PRIM2: variants seen among roughly 807,000 people sequenced by gnomAD.
PRIM2 encodes the protein DNA primase subunit 2.
Under a neutral mutation model 67.3 loss-of-function variants are expected in PRIM2, and 39 were observed. The observed-to-expected ratio is 0.58, with a 90% CI of 0.45 to 0.76. PRIM2 has a LOEUF of 0.76. Ranked by LOEUF, PRIM2 falls within the 30% of genes least tolerant of loss-of-function variation. The pLI, the probability that PRIM2 is intolerant of heterozygous loss-of-function variation, is 0.00. For synonymous variants in PRIM2, 143 were observed against 198.7 expected, an observed-to-expected ratio of 0.72 and a Z score of 2.36; for missense variants, 398 against 598.7, an observed-to-expected ratio of 0.66 and a Z score of 3.50.
At chr6:57,296,473 A>G in the PRIM2 span, among the ~76,000 whole-genome samples, 1 of 152,298 alleles carries the variant, frequency 6.6e-6, no homozygotes, top group Admixed American at 6.5e-5. Flanking sequence ...GGAGAAGGGT[A>G]GAATGAATCT....
At chr6:57,244,188 C>G in the PRIM2 span, among the ~76,000 whole-genome samples, 1 of 152,122 alleles carries the variant, frequency 6.6e-6, no homozygotes, top group Admixed American at 6.5e-5. Flanking sequence ...CTTAGCTGCA[C>G]CAACCAATCA....
intron 7 of PRIM2, among the ~76,000 whole-genome samples, chr6:57,406,481 G>A (rs1365334825): frequency 6.6e-6 from 1 of 152,090 alleles, no homozygotes; most frequent in Non-Finnish European, 1.5e-5. Flanking sequence ...ATCTTTATCC[G>A]AGTGACAGAG....
chr6:57,423,014 G>A (rs1286417182), intron 7 of PRIM2, among the ~76,000 whole-genome samples: 2 of 152,170 alleles, frequency 1.3e-5, no homozygotes, highest in African/African-American at 4.8e-5. Context: ...TTAGTGCAGA[G>A]TAATTCCTTG....
At chr6:57,416,072 T>G (rs1771250529) in intron 7 of PRIM2, among the ~76,000 whole-genome samples, 2 of 152,192 alleles carry the variant, frequency 1.3e-5, no homozygotes, top group Non-Finnish European at 2.9e-5. Context: ...TTTCAGAAGG[T>G]TTTCCACTTA....
intron 5 of PRIM2, among the ~76,000 whole-genome samples, chr6:57,354,596 A>T (rs1768966657): frequency 6.6e-6 from 1 of 152,168 alleles, no homozygotes; most frequent in African/African-American, 2.4e-5. Context: ...AATCATATCC[A>T]TTTGATTAGA....
chr6:57,403,206 G>A (rs4538694), intron 7 of PRIM2, among the ~76,000 whole-genome samples: 6,466 of 115,448 alleles, frequency 0.056, no homozygotes, highest in African/African-American at 0.093. Flanking sequence ...CCAAAGTGCT[G>A]TGTATATTAG....
chr6:57,590,518 G>A (rs2127488253), intron 10 of PRIM2, among the ~76,000 whole-genome samples: 1 of 152,238 alleles, frequency 6.6e-6, no homozygotes, highest in African/African-American at 2.4e-5. Flanking sequence ...TTACTAAGAG[G>A]AAATAAACGT....
chr6:57,294,386 C>T, the PRIM2 span, among the ~76,000 whole-genome samples: 1 of 152,048 alleles, frequency 6.6e-6, no homozygotes, highest in Non-Finnish European at 1.5e-5. Context: ...AAGGTTAAGG[C>T]AGGAGAATCG....
At chr6:57,259,668 C>A in the PRIM2 span, among the ~76,000 whole-genome samples, 28 of 152,304 alleles carry the variant, frequency 1.8e-4, no homozygotes, top group South Asian at 2.1e-4. Context: ...TGCTGAGGTG[C>A]ACTTCCTGGT....
intron 5 of PRIM2, among the ~76,000 whole-genome samples, chr6:57,366,252 T>C (rs1468799733): frequency 1.3e-5 from 2 of 152,048 alleles, no homozygotes; most frequent in African/African-American, 2.4e-5. Flanking sequence ...TGTAAAGTCA[T>C]AGAAGTGAAA....
At chr6:57,592,784 C>G (rs1428791617) in intron 10 of PRIM2, among the ~76,000 whole-genome samples, 4 of 148,840 alleles carry the variant, frequency 2.7e-5, no homozygotes, top group African/African-American at 9.9e-5. Context: ...GAGTAAGACT[C>G]TGTCTCAAAA....
At chr6:57,299,475 G>T in the PRIM2 span, among the ~76,000 whole-genome samples, 68 of 152,220 alleles carry the variant, frequency 4.5e-4, no homozygotes, top group Non-Finnish European at 7.8e-4. Context: ...TGGTTCTAGG[G>T]TCAGCATTTA....
At chr6:57,314,252 C>T (rs549590559), upstream of PRIM2, among the ~76,000 whole-genome samples, 3 of 152,302 alleles carry the variant, frequency 2.0e-5, no homozygotes, top group South Asian at 2.1e-4. Flanking sequence ...CAGTGGCTCA[C>T]GCCTATAATC....
intron 7 of PRIM2, among the ~76,000 whole-genome samples, chr6:57,388,518 A>G (rs1176171887): frequency 6.6e-6 from 1 of 152,178 alleles, no homozygotes; most frequent in Non-Finnish European, 1.5e-5. Context: ...GTGCTATTCT[A>G]AATGCTTTAT....
chr6:57,515,666 C>T (rs1332274958), intron 8 of PRIM2, among the ~76,000 whole-genome samples: 146 of 152,310 alleles, frequency 9.6e-4, no homozygotes, highest in Middle Eastern at 3.4e-3. Flanking sequence ...TGCGTAAGTA[C>T]ATTGTATATA....
intron 5 of PRIM2, among the ~76,000 whole-genome samples, chr6:57,334,873 A>G (rs528974355): frequency 1.3e-5 from 2 of 152,348 alleles, no homozygotes; most frequent in East Asian, 3.9e-4. Context: ...GTTTTGGAAT[A>G]GGAACAGCTC....
At position 57,487,288 on chromosome 6, in the gene PRIM2, G is replaced by T. The variant is rs1371340242; in HGVS notation, c.694-20099G>T. ...CGTGTTGCCCAGGCTGGAGTGCAGT[G>T]GTGTGATCTTGGCTCACTGCAACCC... On this transcript the variant is annotated intron_variant, in intron 7 of 13. Transcript: ENST00000615550. 3.3e-5 allele frequency among the ~76,000 whole-genome samples: 5 copies of T among 152,258 alleles called. 1 individual carries two copies. In the East Asian group the frequency reaches 9.7e-4, roughly 29 times the overall value.
chr6:57,623,472 ACT>A (rs1455915254), intron 12 of PRIM2, among the ~76,000 whole-genome samples: 1 of 152,114 alleles, frequency 6.6e-6, no homozygotes, highest in South Asian at 2.1e-4. Flanking sequence ...AAAATTTAAT[ACT>A]CTGTTTATAT....
chr6:57,244,564 C>T, the PRIM2 span, among the ~76,000 whole-genome samples: 1,565 of 152,108 alleles, frequency 0.01, 33 homozygotes, highest in African/African-American at 0.036. Context: ...AGTTCGAGAC[C>T]AGTCTGAACA....
Sources: allele counts gnomAD v4.1 joint callset (sites outside exome capture counted in the v4.1 genomes callset), GRCh38; gene constraint gnomAD v4.1.1; transcripts MANE v1.5; gene names NCBI Gene and HGNC (gene_info 2026-07-23, HGNC 2026-07-21).